Variants in ASTN2 observed in about 807,000 individuals in gnomAD.
ASTN2 encodes astrotactin 2, also known as astrotactin-2.
In ASTN2, 54 loss-of-function variants were observed where a neutral mutation model predicts 139.8. The ratio of observed to expected loss-of-function variants is 0.39; its 90% CI spans 0.31 to 0.48. The LOEUF is 0.48. ASTN2 is among the 20% of genes least tolerant of loss of function. ASTN2 has a pLI of 0.95. For synonymous variants in ASTN2, 756 were observed against 719.5 expected (o/e 1.05, Z -0.81); for missense variants, 1,565 against 1,725.1 (o/e 0.91, Z 1.64).
intron 16 of ASTN2, among the ~76,000 whole-genome samples, chr9:116,693,849 T>G (rs1860699168): frequency 6.6e-6 from 1 of 152,226 alleles, no homozygotes; most frequent in Admixed American, 6.5e-5. Flanking sequence ...TGAGTCATTC[T>G]CAGTATTACA....
chr9:116,521,144 G>GA (rs1325241363), intron 19 of ASTN2, among the ~76,000 whole-genome samples: 4 of 147,184 alleles, frequency 2.7e-5, no homozygotes, highest in Admixed American at 1.4e-4. Context: ...CACAGAACTA[G>GA]AAAAAACAAT....
At chr9:116,710,537 G>A (rs1295560089) in intron 16 of ASTN2, among the ~76,000 whole-genome samples, 1 of 151,930 alleles carries the variant, frequency 6.6e-6, no homozygotes. Context: ...TTTGAGACCA[G>A]CCTGACCAAC....
At chr9:116,711,249 A>G (rs1189661445) in intron 16 of ASTN2, among the ~76,000 whole-genome samples, 3 of 152,226 alleles carry the variant, frequency 2.0e-5, no homozygotes, top group African/African-American at 7.2e-5. Flanking sequence ...AGCCTATTTA[A>G]TATGTACTAC....
intron 1 of ASTN2, among the ~76,000 whole-genome samples, chr9:117,391,592 G>T (rs1423038888): frequency 6.6e-6 from 1 of 152,138 alleles, no homozygotes; most frequent in East Asian, 1.9e-4. Context: ...GGAGCTACAA[G>T]ATGAGATTTG....
intron 11 of ASTN2, among the ~76,000 whole-genome samples, chr9:116,827,525 T>C (rs2416582): frequency 0.79 from 120,562 of 151,892 alleles, 48,046 homozygotes; most frequent in East Asian, 0.91. Context: ...CTCAAATAAA[T>C]ACAACCAGAA....
At chr9:117,297,758 A>C (rs1440329137) in intron 1 of ASTN2, among the ~76,000 whole-genome samples, 1 of 152,230 alleles carries the variant, frequency 6.6e-6, no homozygotes, top group Admixed American at 6.5e-5. Context: ...CTACCAGATA[A>C]GAACTATAGC....
chr9:116,916,180 T>G (rs1412599632), intron 10 of ASTN2, among the ~76,000 whole-genome samples: 3 of 152,168 alleles, frequency 2.0e-5, no homozygotes, highest in Non-Finnish European at 4.4e-5. Flanking sequence ...TTTCCACATG[T>G]TGGGGTTTCA....
intron 10 of ASTN2, among the ~76,000 whole-genome samples, chr9:116,913,820 A>G (rs1834376158): frequency 6.6e-6 from 1 of 151,916 alleles, no homozygotes; most frequent in Non-Finnish European, 1.5e-5. Context: ...TGAGAAGGTG[A>G]GTGGAGCCAC....
intron 1 of ASTN2, among the ~76,000 whole-genome samples, chr9:117,315,642 A>G (rs1186221350): frequency 6.6e-6 from 1 of 152,142 alleles, no homozygotes; most frequent in African/African-American, 2.4e-5. Context: ...TTTCTTCAAA[A>G]TGTTGTGCAA....
At chr9:116,463,243 C>A (rs73520386) in intron 20 of ASTN2, among the ~76,000 whole-genome samples, 2,799 of 152,224 alleles carry the variant, frequency 0.018, 83 homozygotes, top group African/African-American at 0.064. Flanking sequence ...CCCTTACATC[C>A]CACACCACCC....
chr9:116,750,388 G>C (rs1829364557), intron 13 of ASTN2, among the ~76,000 whole-genome samples: 2 of 152,174 alleles, frequency 1.3e-5, no homozygotes. Flanking sequence ...TTGTGGTTGG[G>C]GTCGCATTTC....
intron 3 of ASTN2, among the ~76,000 whole-genome samples, chr9:117,166,448 CAA>C (rs1830671951): frequency 6.6e-6 from 1 of 152,088 alleles, no homozygotes; most frequent in Non-Finnish European, 1.5e-5. Flanking sequence ...GCTTTTAGAA[CAA>C]AGTCAAATGC....
At chr9:117,331,474 G>C (rs1259198780) in intron 1 of ASTN2, among the ~76,000 whole-genome samples, 1 of 152,098 alleles carries the variant, frequency 6.6e-6, no homozygotes, top group African/African-American at 2.4e-5. Flanking sequence ...CCATTAAATT[G>C]GGCTCCGAGG....
chr9:116,580,253 C>A (rs1853895971), intron 19 of ASTN2, among the ~76,000 whole-genome samples: 1 of 152,154 alleles, frequency 6.6e-6, no homozygotes, highest in Non-Finnish European at 1.5e-5. Context: ...ATATACAGAG[C>A]AGAAGAGGCA....
At chr9:116,491,098 T>C (rs1021262830) in intron 19 of ASTN2, among the ~76,000 whole-genome samples, 7 of 152,220 alleles carry the variant, frequency 4.6e-5, no homozygotes, top group Admixed American at 1.3e-4. Flanking sequence ...GTGAAGGAAC[T>C]GGCTCACCTG....
chr9:116,745,622 C>G (rs893368300), intron 13 of ASTN2, among the ~76,000 whole-genome samples: 1 of 152,174 alleles, frequency 6.6e-6, no homozygotes, highest in Non-Finnish European at 1.5e-5. Flanking sequence ...CCCTCCTCCC[C>G]ACAGTCTGAT....
chr9:116,744,154 A>T (rs946203210), intron 13 of ASTN2, among the ~76,000 whole-genome samples: 1 of 152,164 alleles, frequency 6.6e-6, no homozygotes, highest in African/African-American at 2.4e-5. Flanking sequence ...ACAAAAGTCC[A>T]TAGGGGTGTA....
chr9:116,849,619 C>T (rs995220003), intron 11 of ASTN2, among the ~76,000 whole-genome samples: 1 of 152,212 alleles, frequency 6.6e-6, no homozygotes, highest in Non-Finnish European at 1.5e-5. Context: ...GGATTTGAAC[C>T]TGTACAGCTT....
chr9:116,761,870 C>T (rs1161174762), intron 13 of ASTN2, among the ~76,000 whole-genome samples: 2 of 152,124 alleles, frequency 1.3e-5, no homozygotes, highest in Admixed American at 1.3e-4. Flanking sequence ...GGAGTGAATT[C>T]AGGATGAAGA....
Sources: allele counts gnomAD v4.1 joint callset (sites outside exome capture counted in the v4.1 genomes callset), GRCh38; gene constraint gnomAD v4.1.1; transcripts MANE v1.5; gene names NCBI Gene and HGNC (gene_info 2026-07-23, HGNC 2026-07-21).